FGF1: variants seen among roughly 807,000 people sequenced by gnomAD.
FGF1 encodes fibroblast growth factor 1.
A neutral mutation model predicts 13.4 loss-of-function variants in FGF1; 9 were observed. The ratio of observed to expected loss-of-function variants is 0.67; its 90% CI spans 0.40 to 1.17. FGF1 has a LOEUF of 1.17. Ranked by LOEUF, FGF1 falls within the 50% of genes most tolerant of loss-of-function variation. The pLI, the probability that FGF1 is intolerant of heterozygous loss-of-function variation, is 0.01. For missense variants in FGF1, 156 were observed against 192.7 expected (o/e 0.81, Z 1.13); for synonymous variants, 93 against 79.0 (o/e 1.18, Z -0.94).
chr5:142,680,807 G>T (rs1773572016), intron 1 of FGF1: 3 of 152,136 alleles, frequency 2.0e-5, no homozygotes, highest in Admixed American at 2.0e-4. Flanking sequence ...CAACGAGAAA[G>T]GAAGCCGAGC....
intron 1 of FGF1, among the ~76,000 whole-genome samples, chr5:142,678,932 AG>A (rs1773167540): frequency 6.6e-6 from 1 of 152,152 alleles, no homozygotes; most frequent in African/African-American, 2.4e-5. Context: ...AAACACTTTG[AG>A]GAGTGGCCTG....
intron 1 of FGF1, among the ~76,000 whole-genome samples, chr5:142,684,584 T>C (rs1053197963): frequency 1.3e-5 from 2 of 152,198 alleles, no homozygotes; most frequent in African/African-American, 4.8e-5. Context: ...GAGGGGACTT[T>C]CCTCGGAAGC....
At chr5:142,694,125 A>G (rs1455554868) in intron 2 of FGF1, among the ~76,000 whole-genome samples, 2 of 149,400 alleles carry the variant, frequency 1.3e-5, no homozygotes, top group African/African-American at 5.0e-5. Context: ...CTATCTATCT[A>G]TCTATCTATC....
intron 2 of FGF1, among the ~76,000 whole-genome samples, chr5:142,695,597 A>AAAAAAG (rs1752988967): frequency 6.6e-6 from 1 of 151,708 alleles, no homozygotes; most frequent in African/African-American, 2.4e-5. Context: ...GAAAAAAAAA[A>AAAAAAG]AAAGAAAGAA....
chr5:142,592,446 C>G lies in FGF1; in HGVS notation c.*2844G>C. The G allele has an allele frequency of 2.5e-6, 1 of 398,528 alleles. No individual in the cohort carries two copies. Among genetic ancestry groups the G allele is most frequent in the Non-Finnish European group, 4.4e-6 (1 of 226,016 alleles). The allele number at this position is 398,528 out of a possible 1,614,324, so 24.7% of individuals were successfully genotyped here. On this transcript the variant is annotated 3_prime_UTR_variant, in exon 4 of 4. Transcript: ENST00000337706. The stretch of plus-strand genomic sequence containing the variant: ...GCCATTGTGAATCTTTCTTATCATG[C>G]CTTCCAAGGAAACCAATACCTACCT...
intron 1 of FGF1, among the ~76,000 whole-genome samples, chr5:142,636,687 G>A (rs551871832): frequency 4.4e-4 from 67 of 152,088 alleles, no homozygotes; most frequent in Non-Finnish European, 7.5e-4. Flanking sequence ...GGGAGACTTC[G>A]GAAGACTTCT....
intron 1 of FGF1, among the ~76,000 whole-genome samples, chr5:142,636,722 T>C (rs1391143038): frequency 6.6e-6 from 1 of 151,914 alleles, no homozygotes; most frequent in Non-Finnish European, 1.5e-5. Flanking sequence ...TTTCTATTAC[T>C]AGTGAGTAGA....
intron 1 of FGF1, among the ~76,000 whole-genome samples, chr5:142,651,599 C>T (rs1767265893): frequency 6.6e-6 from 1 of 152,138 alleles, no homozygotes; most frequent in East Asian, 1.9e-4. Context: ...TTATCGTTTC[C>T]TACAGTGTAG....
intron 1 of FGF1, among the ~76,000 whole-genome samples, chr5:142,683,882 C>G (rs1465223999): frequency 6.6e-6 from 1 of 150,614 alleles, no homozygotes; most frequent in African/African-American, 2.4e-5. Context: ...ATCACAAACC[C>G]TTGTAGCAGA....
rs541201328 is a variant in FGF1 at position 142,659,576 on chromosome 5, C to T, written c.-35+26381G>A. On this transcript the variant is annotated intron_variant, in intron 1 of 3. Transcript: ENST00000337706. ...GCAGAATGATGAAAGGCAGTGTCAG[C>T]GGTGGTTAAGTGCCCAGCACAGGCA... is the stretch of plus-strand genomic sequence containing the variant. Among the ~76,000 whole-genome samples the T allele has an allele frequency of 7.9e-5, 12 of 152,258 alleles. No homozygotes were observed. The South Asian group carries it at 8.3e-4, about 11-fold the overall frequency.
intron 1 of FGF1, among the ~76,000 whole-genome samples, chr5:142,630,690 T>G (rs1165256140): frequency 6.6e-6 from 1 of 152,152 alleles, no homozygotes; most frequent in Non-Finnish European, 1.5e-5. Context: ...TATGGCTGCC[T>G]TCCTACAAAT....
At chr5:142,633,192 A>T (rs1179874876) in intron 1 of FGF1, among the ~76,000 whole-genome samples, 1 of 152,042 alleles carries the variant, frequency 6.6e-6, no homozygotes, top group Non-Finnish European at 1.5e-5. Flanking sequence ...GTACTGGGAT[A>T]GGTTGTTTAC....
At position 142,694,137 on chromosome 5, in the gene FGF1, ATG is replaced by A. The variant is rs1491077821; in HGVS notation, c.-35+3483_-35+3484del. Among the ~76,000 whole-genome samples the A allele has an allele frequency of 4.4e-5, 6 of 137,180 alleles. No individual in the cohort carries two copies. The East Asian group carries it at 1.1e-3, about 24-fold the overall frequency. The allele number at this position is 137,180 out of a possible 152,430, so 90.0% of individuals were successfully genotyped here. ...TATCTATCTATCTATCTATCTATCT[ATG>A]TCTATCTGCCTCTCTGTATATATGT... is the stretch of plus-strand genomic sequence containing the variant. On this transcript the variant is annotated intron_variant, in intron 2 of 4. Coordinates refer to the FGF1 transcript ENST00000407758.
intron 2 of FGF1, among the ~76,000 whole-genome samples, chr5:142,694,432 C>T (rs1192254784): frequency 6.6e-6 from 1 of 152,156 alleles, no homozygotes; most frequent in Non-Finnish European, 1.5e-5. Context: ...TATGAATAGG[C>T]CAGTGTGCAT....
chr5:142,617,438 A>C (rs925390839), intron 1 of FGF1, among the ~76,000 whole-genome samples: 13 of 152,042 alleles, frequency 8.6e-5, no homozygotes, highest in African/African-American at 3.1e-4. Context: ...AGACTTCATC[A>C]CTGTGGAGTT....
rs1761814024 is a variant in FGF1 at position 142,622,519 on chromosome 5, G to A, written c.-34-8358C>T. ...CAGGCTCAAACCCTGTCCTCATCTTGTAATAAATACTTCCTTATTTCTTTA... is the reference window on the plus strand; with the variant it reads ...CAGGCTCAAACCCTGTCCTCATCTTATAATAAATACTTCCTTATTTCTTTA... On this transcript the variant is annotated intron_variant, in intron 1 of 3. Coordinates refer to ENST00000337706, the MANE Select transcript of FGF1 (RefSeq NM_000800.5). 2.0e-5 allele frequency among the ~76,000 whole-genome samples: 3 copies of A among 152,120 alleles called. No individual in the cohort carries two copies. The South Asian group carries it at 6.2e-4, about 32-fold the overall frequency.
chr5:142,608,296 T>A (rs1170169037), intron 2 of FGF1, among the ~76,000 whole-genome samples: 7 of 152,062 alleles, frequency 4.6e-5, no homozygotes, highest in Non-Finnish European at 8.8e-5. Flanking sequence ...ATGTGCCTGG[T>A]TTATTCTGGG....
intron 1 of FGF1, among the ~76,000 whole-genome samples, chr5:142,646,631 G>C (rs112346647): frequency 6.6e-6 from 1 of 152,094 alleles, no homozygotes; most frequent in African/African-American, 2.4e-5. Flanking sequence ...GATTACAGGC[G>C]TGAGCCACTG....
At position 142,614,123 on chromosome 5, in the gene FGF1, G is replaced by A; in HGVS notation, c.5C>T (p.Ala2Val). 6.2e-7 allele frequency: 1 copy of A among 1,614,202 alleles called. No homozygotes were observed. Among genetic ancestry groups the A allele is most frequent in the Non-Finnish European group, 8.5e-7 (1 of 1,180,022 alleles). The change falls in exon 2 of 4, where the codon GCT (alanine) becomes GTT (valine). Residue 2 changes from alanine to valine, a missense_variant. By Grantham distance (64) the Ala-to-Val change is moderately conservative. Coordinates refer to ENST00000337706, the MANE Select transcript of FGF1 (RefSeq NM_000800.5). M[A>V]EGEITTFTAL... ...TGTGAAGGTGGTGATTTCCCCTTCAGCCATGGCTCAGCAGCTGCTGCTTGT... is the reference window on the plus strand; with the variant it reads ...TGTGAAGGTGGTGATTTCCCCTTCAACCATGGCTCAGCAGCTGCTGCTTGT...
Sources: allele counts gnomAD v4.1 joint callset (sites outside exome capture counted in the v4.1 genomes callset), GRCh38; gene constraint gnomAD v4.1.1; transcripts MANE v1.5; gene names NCBI Gene and HGNC (gene_info 2026-07-23, HGNC 2026-07-21).